LRFN5: variants seen among roughly 807,000 people sequenced by gnomAD.
LRFN5 encodes the protein leucine rich repeat and fibronectin type III domain containing 5, also known as leucine-rich repeat and fibronectin type-III domain-containing protein 5.
LRFN5 carries 24 observed loss-of-function variants against 45.6 expected under a neutral mutation model. That is an observed-to-expected ratio of 0.53 (90% confidence interval 0.38 to 0.74). The LOEUF (loss-of-function observed/expected upper bound fraction) is 0.74, where lower values mean the gene tolerates loss of function less well. Ranked by LOEUF, LRFN5 falls within the 30% of genes least tolerant of loss-of-function variation. LRFN5 has a pLI of 0.00. For missense variants in LRFN5, 776 were observed against 861.5 expected, an observed-to-expected ratio of 0.90 and a Z score of 1.24; for synonymous variants, 340 against 313.8, an observed-to-expected ratio of 1.08 and a Z score of -0.88.
At chr14:41,643,255 T>C (rs1407402825) in intron 1 of LRFN5, among the ~76,000 whole-genome samples, 1 of 152,164 alleles carries the variant, frequency 6.6e-6, no homozygotes, top group Non-Finnish European at 1.5e-5. Flanking sequence ...ATTACATTTT[T>C]CCAAACTGTT....
In LRFN5 at chr14:41,622,876, G is replaced by T. The variant is rs142726483; in HGVS notation, c.-197+14314G>T. Among the ~76,000 whole-genome samples the T allele has an allele frequency of 4.4e-4, 67 of 152,052 alleles. 1 individual carries two copies. The East Asian group carries it at 0.012, about 28-fold the overall frequency. On this transcript the variant is annotated intron_variant, in intron 1 of 5. Coordinates refer to ENST00000298119, the MANE Select transcript of LRFN5 (RefSeq NM_152447.5). ...CCAAGTCATACTCTTTTTTGATAGG[G>T]ATAAATCCATATTTACTTATCAACT...
chr14:41,623,126 T>C (rs1239412177), intron 1 of LRFN5, among the ~76,000 whole-genome samples: 1 of 152,128 alleles, frequency 6.6e-6, no homozygotes, highest in South Asian at 2.1e-4. Flanking sequence ...TTTCCAGCCC[T>C]CTAAAGGGTC....
chr14:41,856,597 C>T (rs1889461498), intron 2 of LRFN5, among the ~76,000 whole-genome samples: 1 of 150,106 alleles, frequency 6.7e-6, no homozygotes, highest in Non-Finnish European at 1.5e-5. Context: ...TCACCCAATG[C>T]ATGTAAGGAA....
intron 2 of LRFN5, among the ~76,000 whole-genome samples, chr14:41,820,411 C>G (rs1888074646): frequency 6.6e-6 from 1 of 151,702 alleles, no homozygotes; most frequent in Non-Finnish European, 1.5e-5. Context: ...TTATTGATAA[C>G]CAGTTAGTTG....
At chr14:41,721,676 G>T (rs939265471) in intron 1 of LRFN5, among the ~76,000 whole-genome samples, 2 of 152,066 alleles carry the variant, frequency 1.3e-5, no homozygotes, top group Non-Finnish European at 2.9e-5. Context: ...TTTTCTTTAA[G>T]AATGCTGAAA....
intron 2 of LRFN5, among the ~76,000 whole-genome samples, chr14:41,784,759 G>A (rs770762768): frequency 3.5e-4 from 53 of 152,104 alleles, no homozygotes; most frequent in Non-Finnish European, 6.6e-4. Flanking sequence ...CTCCCAAGTA[G>A]CTGGGATTAC....
chr14:41,834,703 C>T (rs1387737942), intron 2 of LRFN5, among the ~76,000 whole-genome samples: 1 of 151,840 alleles, frequency 6.6e-6, no homozygotes, highest in Non-Finnish European at 1.5e-5. Context: ...ACTCTGTTGC[C>T]CAGGCTGGAG....
intron 1 of LRFN5, among the ~76,000 whole-genome samples, chr14:41,701,737 CG>C (rs1160766931): frequency 6.6e-6 from 1 of 152,036 alleles, no homozygotes. Flanking sequence ...CAAGAGGACT[CG>C]TTGTTGAGAA....
intron 4 of LRFN5, chr14:41,892,733 T>C: frequency 1.0e-6 from 1 of 985,338 alleles, no homozygotes; most frequent in South Asian, 4.7e-5. Context: ...TTGTAAGATA[T>C]TTCTCCTCTA....
intron 2 of LRFN5, among the ~76,000 whole-genome samples, chr14:41,775,110 A>G (rs1886235091): frequency 8.6e-5 from 1 of 11,600 alleles, no homozygotes. Flanking sequence ...TTTTTTTTTG[A>G]GACGGAGTCT....
At position 41,887,376 on chromosome 14, in the gene LRFN5, T is replaced by C; in HGVS notation, c.751T>C (p.Leu251=). 1 of 1,614,206 alleles carries C rather than the reference T, an allele frequency of 6.2e-7. No homozygotes were observed. Among genetic ancestry groups the C allele is most frequent in the Non-Finnish European group, 8.5e-7 (1 of 1,180,020 alleles). Residue 251 remains leucine (L), a synonymous_variant, in exon 3 of 6, where the codon TTG becomes CTG. Transcript: ENST00000298119. The surrounding 1 kb of genome is among the most constrained non-coding windows in gnomAD (Gnocchi z 4.8). ...GCATTGCAATTGTGAATTGTTGTGG[T>C]TGAGGCGTCTGTCCAGAGAAGATGA... The part of the protein sequence containing the change: ...PLHCNCELLW[L]RRLSREDDLE...
At chr14:41,870,756 A>G (rs1055609001) in intron 2 of LRFN5, among the ~76,000 whole-genome samples, 1 of 152,196 alleles carries the variant, frequency 6.6e-6, no homozygotes, top group East Asian at 1.9e-4. Flanking sequence ...TTTTACTGAC[A>G]TTTAATATTG....
At chr14:41,812,295 T>C in intron 2 of LRFN5, among the ~76,000 whole-genome samples, 1 of 152,164 alleles carries the variant, frequency 6.6e-6, no homozygotes, top group Non-Finnish European at 1.5e-5. Flanking sequence ...GGATTTATTA[T>C]ATATTAAAAT....
At chr14:41,654,867 G>A (rs1880303369) in intron 1 of LRFN5, among the ~76,000 whole-genome samples, 1 of 152,022 alleles carries the variant, frequency 6.6e-6, no homozygotes. Context: ...ATTATTTTTA[G>A]AGAGATACCA....
chr14:41,819,486 G>T (rs950013940), intron 2 of LRFN5, among the ~76,000 whole-genome samples: 1 of 151,940 alleles, frequency 6.6e-6, no homozygotes, highest in African/African-American at 2.4e-5. Context: ...GTTCATTCTT[G>T]CATTGCTATA....
chr14:41,731,754 C>T (rs1884188698), intron 1 of LRFN5: 1 of 152,078 alleles, frequency 6.6e-6, no homozygotes, highest in Non-Finnish European at 1.5e-5. Context: ...GATGTTTTCC[C>T]TTCTTTATCT....
rs1302593610 is a variant in LRFN5, at chr14:41,900,551, A to ACTTAATACTT, written c.2142+1591_2142+1592insCTTAATACTT. On this transcript the variant is annotated intron_variant, in intron 5 of 5. Coordinates refer to ENST00000298119, the MANE Select transcript of LRFN5 (RefSeq NM_152447.5). ...AATAAATGACTGTCATATATTATAG[A>ACTTAATACTT]AAACTTCCCTTCATACTTAAGCTAC... Among the ~76,000 whole-genome samples, 4 of 152,272 alleles carry ACTTAATACTT rather than the reference A, an allele frequency of 2.6e-5. No individual in the cohort carries two copies. The East Asian group carries it at 5.8e-4, about 22-fold the overall frequency.
At chr14:41,865,688 A>G (rs774742731) in intron 2 of LRFN5, among the ~76,000 whole-genome samples, 9 of 152,216 alleles carry the variant, frequency 5.9e-5, no homozygotes, top group Non-Finnish European at 8.8e-5. Context: ...TGCAAAATCA[A>G]TGTATGAGGA....
At chr14:41,754,450 A>G (rs923941941) in intron 1 of LRFN5, among the ~76,000 whole-genome samples, 3 of 151,986 alleles carry the variant, frequency 2.0e-5, no homozygotes, top group African/African-American at 7.3e-5. Flanking sequence ...AGAGCTTGTT[A>G]TTGGTCTATT....
Sources: gnomAD v4.1 joint callset for allele counts (sites outside exome capture counted in the v4.1 genomes callset) on GRCh38, gnomAD v4.1.1 for gene constraint, Gnocchi (gnomAD v3.1) non-coding constraint, MANE v1.5 for transcripts, NCBI Gene and HGNC (gene_info 2026-07-23, HGNC 2026-07-21) for gene names.